The following PDE10A variants were observed in gnomAD, a reference collection of about 807,000 sequenced individuals.
PDE10A encodes the protein phosphodiesterase 10A, also known as cAMP and cAMP-inhibited cGMP 3',5'-cyclic phosphodiesterase 10A.
In PDE10A, 39 loss-of-function variants were observed where a neutral mutation model predicts 97.7. The ratio of observed to expected loss-of-function variants is 0.40; its 90% CI spans 0.31 to 0.52. PDE10A has a LOEUF of 0.52. PDE10A is among the 20% of genes least tolerant of loss of function. PDE10A has a pLI of 0.56. For synonymous variants in PDE10A, 371 were observed against 376.8 expected, an observed-to-expected ratio of 0.98 and a Z score of 0.18; for missense variants, 731 against 1,047.8, an observed-to-expected ratio of 0.70 and a Z score of 4.17.
intron 18 of PDE10A, among the ~76,000 whole-genome samples, chr6:165,355,588 G>C (rs779022421): frequency 5.3e-5 from 8 of 152,098 alleles, no homozygotes; most frequent in Non-Finnish European, 1.0e-4. Flanking sequence ...CCAAAGTTGT[G>C]TATCTAGCCC....
chr6:165,377,926 G>T (rs1451290945), intron 18 of PDE10A, among the ~76,000 whole-genome samples: 1 of 152,166 alleles, frequency 6.6e-6, no homozygotes, highest in Admixed American at 6.5e-5. Context: ...CCAGGAAGAG[G>T]CCCTGGCAAT....
intron 1 of PDE10A, among the ~76,000 whole-genome samples, chr6:165,910,440 G>T (rs1158148295): frequency 6.6e-6 from 1 of 152,180 alleles, no homozygotes; most frequent in Non-Finnish European, 1.5e-5. Flanking sequence ...AGTGCTTTCT[G>T]TTTGGAAGAT....
intron 17 of PDE10A, among the ~76,000 whole-genome samples, chr6:165,382,726 A>G (rs1476280456): frequency 8.1e-6 from 1 of 123,438 alleles, no homozygotes; most frequent in Non-Finnish European, 1.7e-5. Context: ...TTACTATTAT[A>G]ATAGTGATGA....
chr6:165,687,075 A>G (rs907567288), intron 1 of PDE10A, among the ~76,000 whole-genome samples: 4 of 152,388 alleles, frequency 2.6e-5, no homozygotes, highest in East Asian at 3.9e-4. Context: ...AAGTTTCAGC[A>G]CATGGAAAAC....
intron 1 of PDE10A, among the ~76,000 whole-genome samples, chr6:165,641,347 T>C (rs933646833): frequency 5.3e-5 from 8 of 152,168 alleles, no homozygotes; most frequent in Non-Finnish European, 1.0e-4. Context: ...TAAAATACAT[T>C]TCTCTACTAT....
intron 1 of PDE10A, among the ~76,000 whole-genome samples, chr6:165,628,057 T>C (rs891181719): frequency 1.3e-5 from 2 of 152,244 alleles, no homozygotes; most frequent in Non-Finnish European, 2.9e-5. Flanking sequence ...CTGTGAATTA[T>C]AGTAACCTTA....
intron 1 of PDE10A, among the ~76,000 whole-genome samples, chr6:165,842,873 C>G (rs1780299346): frequency 1.3e-5 from 2 of 152,272 alleles, no homozygotes; most frequent in African/African-American, 4.8e-5. Flanking sequence ...TGCCCTGACC[C>G]TGAGTTAGCC....
In PDE10A at chr6:165,413,594, G is replaced by A. The variant is rs1211107219; in HGVS notation, c.1983C>T (p.Val661=). ...RGSVIGVVQM[V]NKISGSAFSK... ...AGAAGGCACTGCCACTGATTTTGTT[G>A]ACCATCTGCACCACACCTATCACGC... Residue 661 remains valine, a synonymous_variant, in exon 13 of 22, where the codon GTC becomes GTT. Transcript: ENST00000539869. The A allele has an allele frequency of 6.2e-7, 1 of 1,613,892 alleles. No homozygotes were observed.
intron 2 of PDE10A, among the ~76,000 whole-genome samples, chr6:165,501,116 T>A (rs1562525302): frequency 6.6e-6 from 1 of 152,148 alleles, no homozygotes; most frequent in Non-Finnish European, 1.5e-5. Context: ...GTCCTCCACA[T>A]GCTGAGCGCC....
At chr6:165,438,407 C>T (rs1317704664) in intron 5 of PDE10A, among the ~76,000 whole-genome samples, 4 of 152,150 alleles carry the variant, frequency 2.6e-5, no homozygotes, top group Non-Finnish European at 4.4e-5. Context: ...AGGCTGGTCT[C>T]GGACTCCCGA....
chr6:165,506,112 A>G (rs997259585), intron 2 of PDE10A, among the ~76,000 whole-genome samples: 2 of 152,114 alleles, frequency 1.3e-5, no homozygotes, highest in African/African-American at 2.4e-5. Flanking sequence ...ACATAACTAT[A>G]TAAGTACTTT....
At chr6:165,854,520 GA>G (rs1287285970) in intron 1 of PDE10A, among the ~76,000 whole-genome samples, 2 of 152,218 alleles carry the variant, frequency 1.3e-5, no homozygotes. Flanking sequence ...AAGGAGCCCT[GA>G]GGGGCGGCCT....
chr6:165,390,188 G>A (rs1055468477), intron 16 of PDE10A, among the ~76,000 whole-genome samples: 3 of 152,256 alleles, frequency 2.0e-5, no homozygotes, highest in Admixed American at 6.5e-5. Context: ...AAAACCCCAA[G>A]GGAGGAACAG....
chr6:165,715,091 C>A (rs928514346), intron 1 of PDE10A, among the ~76,000 whole-genome samples: 1 of 152,356 alleles, frequency 6.6e-6, no homozygotes, highest in South Asian at 2.1e-4. Flanking sequence ...CAGGGACGGC[C>A]GCCCGAGAAC....
intron 13 of PDE10A, among the ~76,000 whole-genome samples, chr6:165,402,834 ATGT>A (rs1487086279): frequency 2.0e-5 from 3 of 152,176 alleles, no homozygotes; most frequent in Non-Finnish European, 4.4e-5. Context: ...ATTATTTAGA[ATGT>A]TGTTATTGGG....
chr6:165,583,303 G>T (rs910623238), intron 1 of PDE10A, among the ~76,000 whole-genome samples: 1 of 152,104 alleles, frequency 6.6e-6, no homozygotes, highest in Admixed American at 6.5e-5. Context: ...CCTCTTTAAC[G>T]TATATTCTCT....
intron 1 of PDE10A, among the ~76,000 whole-genome samples, chr6:165,816,503 GT>G (rs1248621454): frequency 6.6e-6 from 1 of 152,152 alleles, no homozygotes; most frequent in Non-Finnish European, 1.5e-5. Flanking sequence ...GTTTGCTTGG[GT>G]TTGAAAGCCA....
chr6:165,530,255 A>C (rs1188348620), intron 2 of PDE10A, among the ~76,000 whole-genome samples: 1 of 125,072 alleles, frequency 8.0e-6, no homozygotes, highest in East Asian at 2.4e-4. Flanking sequence ...CTTTAAGTAA[A>C]ATCCTCTTTA....
chr6:165,561,610 T>C (rs1024307882), intron 1 of PDE10A, among the ~76,000 whole-genome samples: 1 of 152,200 alleles, frequency 6.6e-6, no homozygotes, highest in African/African-American at 2.4e-5. Context: ...ATTAATGTGT[T>C]TTGAGTGTTT....
Sources: allele counts gnomAD v4.1 joint callset (sites outside exome capture counted in the v4.1 genomes callset), GRCh38; gene constraint gnomAD v4.1.1; transcripts MANE v1.5; gene names NCBI Gene and HGNC (gene_info 2026-07-23, HGNC 2026-07-21).